Variants in IQGAP2 observed in about 807,000 individuals in gnomAD.
The protein encoded by IQGAP2 is IQ motif containing GTPase activating protein 2.
IQGAP2 carries 173 observed loss-of-function variants against 201.3 expected under a neutral mutation model. That is an observed-to-expected ratio of 0.86 (90% CI 0.76 to 0.98). The LOEUF (loss-of-function observed/expected upper bound fraction) is 0.98. Among genes scored for constraint, IQGAP2 ranks in the 50% least tolerant of loss-of-function variants. The probability of loss-of-function intolerance (pLI) is 0.00; values close to 1 mark genes in which losing one functional copy is unlikely to be tolerated. For missense variants in IQGAP2, 1,687 were observed against 1,864.8 expected, an observed-to-expected ratio of 0.90 and a Z score of 1.76; for synonymous variants, 675 against 673.9, an observed-to-expected ratio of 1.00 and a Z score of -0.03.
At chr5:76,455,508 A>T (rs1470364581) in intron 1 of IQGAP2, among the ~76,000 whole-genome samples, 1 of 151,620 alleles carries the variant, frequency 6.6e-6, no homozygotes, top group Non-Finnish European at 1.5e-5. Context: ...TGTTAAGTAG[A>T]TGTTTGTAAG....
At chr5:76,617,802 G>T (rs751645695) in intron 13 of IQGAP2, 7 of 1,613,608 alleles carry the variant, frequency 4.3e-6, no homozygotes, top group Non-Finnish European at 5.9e-6. Flanking sequence ...GAGGAGACTC[G>T]CCTTAACATA....
At chr5:76,498,324 A>G (rs1180781000) in intron 2 of IQGAP2, among the ~76,000 whole-genome samples, 3 of 152,178 alleles carry the variant, frequency 2.0e-5, no homozygotes, top group African/African-American at 7.2e-5. Flanking sequence ...GTTCTTCTTC[A>G]TTGAATGCAT....
intron 2 of IQGAP2, among the ~76,000 whole-genome samples, chr5:76,474,778 C>T (rs1172096231): frequency 6.6e-6 from 1 of 152,144 alleles, no homozygotes; most frequent in East Asian, 1.9e-4. Flanking sequence ...CCCTATAAGG[C>T]CATCTCTAAG....
chr5:76,474,711 T>C (rs1755307298), intron 2 of IQGAP2, among the ~76,000 whole-genome samples: 1 of 152,176 alleles, frequency 6.6e-6, no homozygotes, highest in Admixed American at 6.5e-5. Flanking sequence ...CATTTACACC[T>C]GCATCAAGGT....
intron 9 of IQGAP2, 137 bp from the exon 10 acceptor site, chr5:76,597,298 TTACC>T: frequency 1.3e-6 from 1 of 745,284 alleles, no homozygotes; most frequent in Admixed American, 2.8e-5. Flanking sequence ...TTTCAAAGCC[TTACC>T]TACCCTCTGC....
intron 7 of IQGAP2, 51 bp from the exon 8 acceptor site, chr5:76,590,357 G>A: frequency 7.0e-7 from 1 of 1,435,182 alleles, no homozygotes; most frequent in Non-Finnish European, 9.5e-7. Context: ...AACTGTCCAT[G>A]TTGTCTTTTG....
intron 2 of IQGAP2, among the ~76,000 whole-genome samples, chr5:76,488,813 A>C (rs1456023459): frequency 6.6e-6 from 1 of 152,162 alleles, no homozygotes; most frequent in Non-Finnish European, 1.5e-5. Context: ...ACAGAGGCAA[A>C]AGTTTCTGCT....
intron 1 of IQGAP2, among the ~76,000 whole-genome samples, chr5:76,436,880 T>C (rs1042713618): frequency 2.6e-5 from 4 of 152,022 alleles, no homozygotes; most frequent in African/African-American, 9.7e-5. Flanking sequence ...GACTTATGTA[T>C]GTTAAACATA....
intron 12 of IQGAP2, among the ~76,000 whole-genome samples, chr5:76,610,072 CTCTCTATATATATATATA>C (rs1748175030): frequency 2.4e-4 from 1 of 4,174 alleles, no homozygotes; most frequent in African/African-American, 6.3e-4. Context: ...CTCTCTCTCT[CTCTCTATATATATATATA>C]TATATATATA....
chr5:76,589,840 A>T (rs898895053), intron 7 of IQGAP2, 112 bp downstream of exon 7: 2 of 516,798 alleles, frequency 3.9e-6, no homozygotes, highest in Non-Finnish European at 6.7e-6. Flanking sequence ...AAGCACCCTA[A>T]AAGTTTTTAT....
intron 2 of IQGAP2, among the ~76,000 whole-genome samples, chr5:76,523,076 C>CTTA (rs1758781955): frequency 1.3e-5 from 1 of 78,372 alleles, no homozygotes; most frequent in Non-Finnish European, 2.3e-5. Context: ...TTTCTTTTGC[C>CTTA]TTTTTTTTTT....
At chr5:76,420,801 A>G (rs10073448) in intron 1 of IQGAP2, among the ~76,000 whole-genome samples, 60,108 of 152,102 alleles carry the variant, frequency 0.4, 13,352 homozygotes, top group East Asian at 0.52. Flanking sequence ...GACTGCTCCA[A>G]GTACCTCATG....
intron 1 of IQGAP2, among the ~76,000 whole-genome samples, chr5:76,442,377 A>G (rs1025947270): frequency 2.6e-5 from 4 of 152,218 alleles, no homozygotes; most frequent in African/African-American, 7.2e-5. Context: ...AAACTAGATT[A>G]TAACATTTTT....
chr5:76,509,956 GA>G (rs1286992527), intron 2 of IQGAP2, among the ~76,000 whole-genome samples: 1 of 149,698 alleles, frequency 6.7e-6, no homozygotes, highest in Non-Finnish European at 1.5e-5. Flanking sequence ...TTTTCACACT[GA>G]ATAGATTTAA....
intron 1 of IQGAP2, among the ~76,000 whole-genome samples, chr5:76,419,686 T>TG (rs11388234): frequency 7.2e-6 from 1 of 138,594 alleles, no homozygotes; most frequent in Non-Finnish European, 1.6e-5. Context: ...TTTTTTTTTT[T>TG]GTGTTTTAAA....
chr5:76,671,261 A>T (rs1471181795), intron 23 of IQGAP2, among the ~76,000 whole-genome samples: 1 of 151,994 alleles, frequency 6.6e-6, no homozygotes, highest in Admixed American at 6.5e-5. Flanking sequence ...ACTCTGTCTC[A>T]AAAAGAAAAA....
intron 11 of IQGAP2, among the ~76,000 whole-genome samples, chr5:76,603,151 C>T (rs1347907984): frequency 6.6e-6 from 1 of 152,160 alleles, no homozygotes; most frequent in African/African-American, 2.4e-5. Flanking sequence ...TAGCCAAGTC[C>T]AAGTGTACTT....
intron 27 of IQGAP2, among the ~76,000 whole-genome samples, chr5:76,675,754 A>G (rs1490644279): frequency 6.6e-6 from 1 of 152,180 alleles, no homozygotes; most frequent in Non-Finnish European, 1.5e-5. Flanking sequence ...AAGGTAGTTC[A>G]TGATTATTCA....
At chr5:76,667,955 G>A (rs772308531) in intron 22 of IQGAP2, among the ~76,000 whole-genome samples, 2 of 146,366 alleles carry the variant, frequency 1.4e-5, no homozygotes, top group African/African-American at 5.0e-5. Flanking sequence ...CACAGCTCAC[G>A]GCAGCCTTGA....
Sources: allele counts gnomAD v4.1 joint callset (sites outside exome capture counted in the v4.1 genomes callset), GRCh38; gene constraint gnomAD v4.1.1; transcripts MANE v1.5; gene names NCBI Gene and HGNC (gene_info 2026-07-23, HGNC 2026-07-21).